The following SLC2A9 variants were observed in gnomAD, a reference collection of about 807,000 sequenced individuals.
The protein encoded by SLC2A9 is solute carrier family 2, facilitated glucose transporter member 9.
SLC2A9 carries 39 observed loss-of-function variants against 50.6 expected under a neutral mutation model. That is an observed-to-expected ratio of 0.77 (90% confidence interval 0.60 to 1.01). The LOEUF (loss-of-function observed/expected upper bound fraction) is 1.01. Among genes scored for constraint, SLC2A9 ranks in the 50% least tolerant of loss-of-function variants. The probability of loss-of-function intolerance (pLI) is 0.00; values close to 1 mark genes in which losing one functional copy is unlikely to be tolerated. For missense variants in SLC2A9, 686 were observed against 677.6 expected (o/e 1.01, Z -0.14); for synonymous variants, 324 against 276.9 (o/e 1.17, Z -1.69).
At chr4:9,901,919 C>G (rs1739706958) in intron 8 of SLC2A9, among the ~76,000 whole-genome samples, 1 of 152,236 alleles carries the variant, frequency 6.6e-6, no homozygotes, top group African/African-American at 2.4e-5. Flanking sequence ...TCTTGGTTCA[C>G]TTTCTACAGA....
At chr4:9,864,484 G>A (rs138834886) in intron 10 of SLC2A9, among the ~76,000 whole-genome samples, 74 of 152,296 alleles carry the variant, frequency 4.9e-4, no homozygotes, top group African/African-American at 1.7e-3. Flanking sequence ...TATCATAGTC[G>A]CCATTTCTTG....
chr4:9,961,879 A>T (rs1752326659), intron 5 of SLC2A9, among the ~76,000 whole-genome samples: 1 of 152,218 alleles, frequency 6.6e-6, no homozygotes, highest in South Asian at 2.1e-4. Context: ...CAAACAAACA[A>T]ACAACATCAT....
chr4:9,983,169 A>G (rs186073329), intron 4 of SLC2A9, among the ~76,000 whole-genome samples: 17 of 152,226 alleles, frequency 1.1e-4, no homozygotes, highest in African/African-American at 3.9e-4. Flanking sequence ...TGCCCGGCCC[A>G]TTTAATTTTC....
chr4:9,970,741 C>T (rs557690648), intron 5 of SLC2A9, among the ~76,000 whole-genome samples: 2 of 152,056 alleles, frequency 1.3e-5, no homozygotes, highest in Non-Finnish European at 1.5e-5. Flanking sequence ...GTTTTATACT[C>T]AGTACCTGTT....
At chr4:9,895,576 T>A (rs896357429) in intron 8 of SLC2A9, among the ~76,000 whole-genome samples, 1 of 152,176 alleles carries the variant, frequency 6.6e-6, no homozygotes, top group Non-Finnish European at 1.5e-5. Flanking sequence ...GGGTCACCCA[T>A]CCACTCAGCA....
At chr4:9,942,466 C>T (rs1200055786) in intron 5 of SLC2A9, among the ~76,000 whole-genome samples, 3 of 152,202 alleles carry the variant, frequency 2.0e-5, no homozygotes, top group South Asian at 2.1e-4. Flanking sequence ...TGGGCACCAC[C>T]GCTAGATATC....
intron 11 of SLC2A9, among the ~76,000 whole-genome samples, chr4:9,834,268 A>G (rs1384417050): frequency 6.6e-6 from 1 of 152,212 alleles, no homozygotes; most frequent in Non-Finnish European, 1.5e-5. Context: ...CAGAACCAGG[A>G]AACACAGGCT....
At chr4:9,875,594 C>T (rs1734190353) in intron 10 of SLC2A9, among the ~76,000 whole-genome samples, 1 of 152,188 alleles carries the variant, frequency 6.6e-6, no homozygotes, top group Non-Finnish European at 1.5e-5. Flanking sequence ...AGCTTAGTTG[C>T]CTATTGTAGA....
intron 5 of SLC2A9, among the ~76,000 whole-genome samples, chr4:9,979,788 G>A (rs1280722057): frequency 1.3e-5 from 2 of 152,030 alleles, no homozygotes; most frequent in African/African-American, 2.4e-5. Context: ...GTGAACAGAC[G>A]CTTCATCTCT....
chr4:9,937,709 T>C (rs1416489153), intron 6 of SLC2A9, among the ~76,000 whole-genome samples: 1 of 152,188 alleles, frequency 6.6e-6, no homozygotes, highest in South Asian at 2.1e-4. Flanking sequence ...CAGATGGGTA[T>C]AGGTGAGCTG....
chr4:9,989,098 C>T (rs897173858), intron 3 of SLC2A9, among the ~76,000 whole-genome samples: 1 of 152,222 alleles, frequency 6.6e-6, no homozygotes. Context: ...TTCCACATCC[C>T]TCACCCTCCT....
At chr4:9,890,522 A>T in intron 9 of SLC2A9, 88 bp downstream of exon 9, 1 of 1,210,520 alleles carries the variant, frequency 8.3e-7, no homozygotes, top group Non-Finnish European at 1.2e-6. Flanking sequence ...TAGAAGTATG[A>T]ACCCACAAAT....
At chr4:9,960,483 G>A (rs1752092346) in intron 5 of SLC2A9, among the ~76,000 whole-genome samples, 1 of 152,186 alleles carries the variant, frequency 6.6e-6, no homozygotes, top group Admixed American at 6.5e-5. Context: ...CCCCTTAAGG[G>A]TTTACAGTGA....
downstream of SLC2A9, among the ~76,000 whole-genome samples, chr4:9,776,517 G>A (rs926488752): frequency 1.7e-4 from 26 of 151,944 alleles, no homozygotes; most frequent in Admixed American, 1.2e-3. Flanking sequence ...ATCAGAGGCC[G>A]GCACAGCAAG....
chr4:9,782,405 G>A (rs1340988476), intron 3 of SLC2A9: 1 of 1,614,046 alleles, frequency 6.2e-7, no homozygotes, highest in East Asian at 2.2e-5. Context: ...GTGCTCCACT[G>A]CCTCCATCCT....
intron 7 of SLC2A9, among the ~76,000 whole-genome samples, chr4:9,919,430 G>GA (rs1191948651): frequency 6.6e-6 from 1 of 152,194 alleles, no homozygotes; most frequent in Non-Finnish European, 1.5e-5. Context: ...CTATGCTGCT[G>GA]TTTTTCCTTC....
At chr4:9,905,324 C>T (rs1047242479) in intron 8 of SLC2A9, among the ~76,000 whole-genome samples, 2 of 152,238 alleles carry the variant, frequency 1.3e-5, no homozygotes, top group African/African-American at 4.8e-5. Flanking sequence ...TGAGCTCCTA[C>T]AGGCAGGCAC....
intron 3 of SLC2A9, chr4:9,783,358 G>A: frequency 1.2e-6 from 2 of 1,614,208 alleles, no homozygotes; most frequent in Non-Finnish European, 8.5e-7. Context: ...TCTATCAGAC[G>A]TCCCCAGATG....
chr4:10,000,171 A>G (rs12650373), intron 2 of SLC2A9, among the ~76,000 whole-genome samples: 57 of 152,204 alleles, frequency 3.7e-4, no homozygotes, highest in Non-Finnish European at 1.2e-4. Context: ...ATATATTATC[A>G]ATAGCTACAG....
Sources: gnomAD v4.1 joint callset for allele counts (sites outside exome capture counted in the v4.1 genomes callset) on GRCh38, gnomAD v4.1.1 for gene constraint, MANE v1.5 for transcripts, NCBI Gene and HGNC (gene_info 2026-07-23, HGNC 2026-07-21) for gene names.